Variants in MOGS observed in about 807,000 individuals in gnomAD.
The protein encoded by MOGS is epididymis secretory sperm binding protein.
Under a neutral mutation model 68.5 loss-of-function variants are expected in MOGS, and 45 were observed. The observed-to-expected ratio is 0.66, with a 90% CI of 0.52 to 0.84. The LOEUF is 0.84. Ranked by LOEUF, MOGS falls within the 40% of genes least tolerant of loss-of-function variation. MOGS has a pLI of 0.00. For missense variants in MOGS, 1,020 were observed against 1,095.0 expected (o/e 0.93, Z 0.97); for synonymous variants, 492 against 461.2 (o/e 1.07, Z -0.86).
rs755396595 is a variant in MOGS at position 74,462,166 on chromosome 2, C to T, written c.1623G>A (p.Leu541=). The change falls in exon 4 of 4, where the codon CTG becomes CTA. Residue 541 remains leucine (L), a synonymous_variant. Coordinates refer to ENST00000448666, the MANE Select transcript of MOGS (RefSeq NM_006302.3). ...LAFLRKALPR[L]HAWFSWLHQS... ...GATGGAGCCAGGAAAACCAGGCATG[C>T]AGGCGGGGCAAGGCCTTTCGGAGGA... 5 of 1,614,014 alleles carry T rather than the reference C, an allele frequency of 3.1e-6. No homozygotes were observed. The highest frequency in any genetic ancestry group is 1.1e-5 in the South Asian group (1 of 91,096).
At position 74,462,256 on chromosome 2, in the gene MOGS, G is replaced by A. The variant is rs375925537; in HGVS notation, c.1533C>T (p.Asn511=). 10 of 1,613,952 alleles carry A rather than the reference G, an allele frequency of 6.2e-6. No homozygotes were observed. In the African/African-American group the frequency reaches 8.0e-5, roughly 13 times the overall value. ...CTACAGGCAAAAGTAGGGTTGGGGG[G>A]TTGGCGTGGACTGCTCGTTGTACTA... The part of the protein sequence containing the change: ...EFLVQRAVHA[N]PPTLLLPVAH... The change falls in exon 4 of 4, where the codon AAC becomes AAT. Residue 511 remains asparagine (N), a synonymous_variant. Transcript: ENST00000448666.
chr2:74,461,939 T>C lies in MOGS; in HGVS notation c.1850A>G (p.His617Arg). ...GARVLTRLAE[H>R]LGEAEVAAEL... ...AGCAGCTACCTCAGCCTCACCCAGA[T>C]GCTCTGCCAGCCGCGTCAGCACACG... is the stretch of plus-strand genomic sequence containing the variant. Residue 617 changes from histidine to arginine, a missense_variant, in exon 4 of 4, where the codon CAT (histidine) becomes CGT (arginine). This residue lies in a region of MOGS where 181 missense variants were observed against 261.8 expected (regional missense o/e 0.69). Transcript: ENST00000448666. 1 of 1,614,132 alleles carries C rather than the reference T, an allele frequency of 6.2e-7. No individual in the cohort carries two copies. The highest frequency in any genetic ancestry group is 1.6e-4 in the Middle Eastern group (1 of 6,062).
chr2:74,461,426 C>T lies in MOGS; in HGVS notation c.2363G>A (p.Arg788His), dbSNP rs199724485. 89 of 1,614,124 alleles carry T rather than the reference C, an allele frequency of 5.5e-5. No homozygotes were observed. Among genetic ancestry groups the T allele is most frequent in the Non-Finnish European group, 6.9e-5 (81 of 1,180,060 alleles). ...CCATACATTGCCTACCACGTTGGCA[C>T]GGAGCTCACCGTGGAGTTTGGCAGC... ...ARAAKLHGEL[R>H]ANVVGNVWRQ... The change falls in exon 4 of 4, where the codon CGT (arginine) becomes CAT (histidine). Residue 788 changes from arginine (R) to histidine (H), a missense_variant. Arg to His is a conservative substitution (Grantham distance 29). Coordinates refer to ENST00000448666, the MANE Select transcript of MOGS (RefSeq NM_006302.3).
intron 1 of MOGS, 53 bp from the exon 2 acceptor site, chr2:74,464,775 G>T: frequency 6.3e-7 from 1 of 1,577,422 alleles, no homozygotes; most frequent in African/African-American, 1.3e-5. Flanking sequence ...GTCCCTCCGG[G>T]TCTCCGGGTC....
rs768964864 is a variant in MOGS at position 74,464,882 on chromosome 2, TG to T, written c.352+13del. The T allele has an allele frequency of 1.2e-6, 2 of 1,604,152 alleles. No individual in the cohort carries two copies. Among genetic ancestry groups the T allele is most frequent in the African/African-American group, 1.3e-5 (1 of 74,938 alleles). ...TAGGAGTCCGCCTGCCTGCCCGCCCTGGGGCCCGGTTACCGGTGAGGAGGGG... is the reference window on the plus strand; with the variant it reads ...TAGGAGTCCGCCTGCCTGCCCGCCCTGGGCCCGGTTACCGGTGAGGAGGGG... On this transcript the variant is annotated intron_variant, in intron 1 of 3. Transcript: ENST00000448666.
chr2:74,463,156 C>T lies in MOGS; in HGVS notation c.776+34G>A, dbSNP rs557989390. 5.8e-5 allele frequency: 93 copies of T among 1,613,240 alleles called. No homozygotes were observed. In the East Asian group the frequency reaches 1.6e-3, roughly 29 times the overall value. On this transcript the variant is annotated intron_variant, in intron 3 of 3. Transcript: ENST00000448666. The stretch of plus-strand genomic sequence containing the variant: ...CTGGTGAAAATGGGAATAACCACCC[C>T]TTCCATCCCCCAACATTCTTTTCCC...
rs1479990595 is a variant in MOGS, at chr2:74,462,100, C to G, written c.1689G>C (p.Arg563=). 6.2e-7 allele frequency: 1 copy of G among 1,614,134 alleles called. No homozygotes were observed. The highest frequency in any genetic ancestry group is 1.7e-5 in the Admixed American group (1 of 60,026). Residue 563 remains arginine, a synonymous_variant, in exon 4 of 4, where the codon CGG becomes CGC. Coordinates refer to ENST00000448666, the MANE Select transcript of MOGS (RefSeq NM_006302.3). ...AGPLPLSYRW[R]GRDPALPTLL... is the part of the protein sequence containing the mutation. Reference sequence around the variant, plus strand: ...AGGTTGGTAAGGCAGGGTCCCGTCCCCGCCAGCGGTAAGATAGTGGCAGTG... The same window carrying G: ...AGGTTGGTAAGGCAGGGTCCCGTCCGCGCCAGCGGTAAGATAGTGGCAGTG...
intron 2 of MOGS, chr2:74,463,660 C>CTTTTTTTT (rs952902052): frequency 1.1e-5 from 2 of 188,218 alleles, no homozygotes; most frequent in African/African-American, 3.4e-5. Flanking sequence ...TCATTTAATT[C>CTTTTTTTT]TTTTTTTTTT....
chr2:74,464,607 G>A lies in MOGS; in HGVS notation c.468C>T (p.Phe156=). ...CCCCATCCTGGATGTGTTGGCGCCC[G>A]AAGGAGAGGCCGTCGTGGAACTCCC... ...YGWEFHDGLS[F]GRQHIQDGAL... is the part of the protein sequence containing the mutation. Residue 156 remains phenylalanine, a synonymous_variant, in exon 2 of 4, where the codon TTC becomes TTT. Transcript: ENST00000448666. 1.2e-6 allele frequency: 2 copies of A among 1,614,086 alleles called. No individual in the cohort carries two copies. Among genetic ancestry groups the A allele is most frequent in the Non-Finnish European group, 1.7e-6 (2 of 1,180,028 alleles).
intron 3 of MOGS, 64 bp downstream of exon 3, chr2:74,463,126 G>A: frequency 6.2e-7 from 1 of 1,610,390 alleles, no homozygotes; most frequent in Non-Finnish European, 8.5e-7. Context: ...CAGGGGACAT[G>A]GAGACTGGTG....
Position 74,461,729 on chromosome 2 carries a change from T to C in MOGS, c.2060A>G (p.Asp687Gly). The change falls in exon 4 of 4, where the codon GAT (aspartate) becomes GGT (glycine). Residue 687 changes from aspartate to glycine, a missense_variant. This residue lies in a region of MOGS where 270 missense variants were observed against 261.3 expected (regional missense o/e 1.03). Transcript: ENST00000448666. ...GRPQPQLQYV[D>G]ALGYVSLFPL... ...AAAAAGACTGACATAGCCAAGAGCA[T>C]CTACATACTGCAGTTGAGGTTGGGG... is the stretch of plus-strand genomic sequence containing the variant. 1.2e-6 allele frequency: 2 copies of C among 1,614,182 alleles called. No homozygotes were observed. The highest frequency in any genetic ancestry group is 2.2e-5 in the South Asian group (2 of 91,078).
In MOGS at chr2:74,463,510, G is replaced by A. The variant is rs1379196996; in HGVS notation, c.580-124C>T. On this transcript the variant is annotated intron_variant, in intron 2 of 3. Coordinates refer to ENST00000448666, the MANE Select transcript of MOGS (RefSeq NM_006302.3). ...GGCAGGGGTAATGTAAACAACATAC[G>A]TCTGGCAGTAATGAGGGTCACTGAG... is the stretch of plus-strand genomic sequence containing the variant. 32 of 1,028,172 alleles carry A rather than the reference G, an allele frequency of 3.1e-5. No homozygotes were observed. In the South Asian group the frequency reaches 3.1e-4, roughly 10 times the overall value. The allele number at this position is 1,028,172 out of a possible 1,614,324, so 63.7% of individuals were successfully genotyped here.
At chr2:74,463,822 C>G (rs1423505702) in intron 2 of MOGS, among the ~76,000 whole-genome samples, 1 of 151,858 alleles carries the variant, frequency 6.6e-6, no homozygotes, top group East Asian at 1.9e-4. Flanking sequence ...CGCCACCACG[C>G]CCAGCTAATT....
chr2:74,462,092 T>A lies in MOGS; in HGVS notation c.1697A>T (p.Asp566Val). The change falls in exon 4 of 4, where the codon GAC becomes GTC. Residue 566 changes from aspartate to valine, a missense_variant. Transcript: ENST00000448666. ...GTTCAGTAAGGTTGGTAAGGCAGGG[T>A]CCCGTCCCCGCCAGCGGTAAGATAG... ...LPLSYRWRGR[D>V]PALPTLLNPK... 1 of 1,613,954 alleles carries A rather than the reference T, an allele frequency of 6.2e-7. No homozygotes were observed. The highest frequency in any genetic ancestry group is 8.5e-7 in the Non-Finnish European group (1 of 1,179,922).
chr2:74,462,362 C>T lies in MOGS; in HGVS notation c.1427G>A (p.Gly476Glu), dbSNP rs1671939839. Residue 476 changes from glycine to glutamate, a missense_variant, in exon 4 of 4, where the codon GGG becomes GAG. Physicochemically the swap from Gly to Glu is moderately conservative, Grantham distance 98. Around this residue, in one of 3 missense-constraint regions of MOGS, gnomAD observed 181 missense variants for 261.8 expected, o/e 0.69. Coordinates refer to ENST00000448666, the MANE Select transcript of MOGS (RefSeq NM_006302.3). The part of the protein sequence containing the change: ...LTREALGHWL[G>E]LLNADGWIGR... ...AATCCAGCCATCAGCATTTAGCAGC[C>T]CCAGCCAGTGGCCAAGGGCTTCCCG... 1 of 1,614,090 alleles carries T rather than the reference C, an allele frequency of 6.2e-7. No homozygotes were observed.
rs1331301450 is a variant in MOGS, at chr2:74,463,248, A to G, written c.718T>C (p.Phe240Leu). The change falls in exon 3 of 4, where the codon TTC becomes CTC. Residue 240 changes from phenylalanine (F) to leucine (L), a missense_variant. Phe to Leu is a conservative substitution (Grantham distance 22). Coordinates refer to ENST00000448666, the MANE Select transcript of MOGS (RefSeq NM_006302.3). ...ISGHTSELGD[F>L]RFTLLPPTSP... Reference sequence around the variant, plus strand: ...GTTGGTGGCAAAAGTGTAAAGCGGAAGTCACCAAGTTCACTGGTGTGCCCA... The same window carrying G: ...GTTGGTGGCAAAAGTGTAAAGCGGAGGTCACCAAGTTCACTGGTGTGCCCA... The G allele has an allele frequency of 6.2e-7, 1 of 1,614,174 alleles. No homozygotes were observed. Among genetic ancestry groups the G allele is most frequent in the Non-Finnish European group, 8.5e-7 (1 of 1,180,026 alleles).
chr2:74,463,112 C>T, intron 3 of MOGS, 78 bp downstream of exon 3: 1 of 1,610,044 alleles, frequency 6.2e-7, no homozygotes, highest in Non-Finnish European at 8.5e-7. Flanking sequence ...TGGGAGGTCT[C>T]AGGCAGGGGA....
rs1671952995 is a variant in MOGS, at chr2:74,462,567, G to C, written c.1222C>G (p.Gln408Glu). ...CCGATGTCTGGCAATACCAGCCCTT[G>C]TCCGTAGAAGTAGCCAATTCCACCA... ...LLGGIGYFYG[Q>E]GLVLPDIGVE... is the part of the protein sequence containing the mutation. Residue 408 changes from glutamine (Q) to glutamate (E), a missense_variant, in exon 4 of 4, where the codon CAA becomes GAA. Coordinates refer to ENST00000448666, the MANE Select transcript of MOGS (RefSeq NM_006302.3). 6.2e-7 allele frequency: 1 copy of C among 1,613,030 alleles called. No individual in the cohort carries two copies. The highest frequency in any genetic ancestry group is 8.5e-7 in the Non-Finnish European group (1 of 1,179,338).
intron 3 of MOGS, 55 bp from the exon 4 acceptor site, chr2:74,463,067 T>C: frequency 2.5e-6 from 4 of 1,612,030 alleles, no homozygotes; most frequent in Non-Finnish European, 3.4e-6. Flanking sequence ...CAGTGGGCAT[T>C]ATAAAGAGAA....
Sources: gnomAD v4.1 joint callset for allele counts (sites outside exome capture counted in the v4.1 genomes callset) on GRCh38, gnomAD v4.1.1 for gene constraint, gnomAD v4.1.1 regional missense constraint, MANE v1.5 for transcripts, NCBI Gene and HGNC (gene_info 2026-07-23, HGNC 2026-07-21) for gene names.